RAB3GAP2: variants seen among roughly 807,000 people sequenced by gnomAD.
RAB3GAP2 encodes the protein RAB3 GTPase activating non-catalytic protein subunit 2.
RAB3GAP2 carries 87 observed loss-of-function variants against 185.3 expected under a neutral mutation model. The ratio of observed to expected loss-of-function variants is 0.47; its 90% CI spans 0.39 to 0.56. RAB3GAP2 has a LOEUF of 0.56. RAB3GAP2 is among the 20% of genes least tolerant of loss of function. The pLI, the probability that RAB3GAP2 is intolerant of heterozygous loss-of-function variation, is 0.00. For missense variants in RAB3GAP2, 1,492 were observed against 1,638.2 expected (o/e 0.91, Z 1.54); for synonymous variants, 554 against 576.1 (o/e 0.96, Z 0.55).
chr1:220,157,914 A>T (rs747451766), intron 29 of RAB3GAP2, 38 bp from the exon 30 acceptor site: 28 of 1,496,782 alleles, frequency 1.9e-5, no homozygotes, highest in Non-Finnish European at 2.4e-5. Flanking sequence ...GCCCTGCAGG[A>T]AAACTGCTAT....
At chr1:220,165,568 G>A (rs966287834) in intron 26 of RAB3GAP2, among the ~76,000 whole-genome samples, 2 of 151,928 alleles carry the variant, frequency 1.3e-5, no homozygotes, top group Non-Finnish European at 2.9e-5. Flanking sequence ...TAATTTTATT[G>A]TTTTGAGCCT....
At chr1:220,176,768 C>T (rs976138911) in intron 21 of RAB3GAP2, among the ~76,000 whole-genome samples, 4 of 152,142 alleles carry the variant, frequency 2.6e-5, no homozygotes, top group African/African-American at 9.7e-5. Flanking sequence ...CTCAGGGCCC[C>T]CTCACTGCAG....
rs1658584930 is a variant in RAB3GAP2 at position 220,190,054 on chromosome 1, G to T, written c.1714+10C>A. The T allele has an allele frequency of 6.3e-7, 1 of 1,579,458 alleles. No homozygotes were observed. Among genetic ancestry groups the T allele is most frequent in the South Asian group, 1.1e-5 (1 of 90,310 alleles). The stretch of plus-strand genomic sequence containing the variant: ...AATATGCTTTATTATTTGTATGAGA[G>T]AATACCTACCAAGATTGGGAGATTT... On this transcript the variant is annotated intron_variant, in intron 16 of 34. Coordinates refer to ENST00000358951, the MANE Select transcript of RAB3GAP2 (RefSeq NM_012414.4).
rs532638624 is a variant in RAB3GAP2 at position 220,191,237 on chromosome 1, G to A, written c.1318C>T (p.His440Tyr). 6.2e-7 allele frequency: 1 copy of A among 1,613,692 alleles called. No homozygotes were observed. Among genetic ancestry groups the A allele is most frequent in the Non-Finnish European group, 8.5e-7 (1 of 1,179,910 alleles). Reference sequence around the variant, plus strand: ...TCTGCCTTTTCTGGCACTCTTTCATGGAGGTCCTCTACAGTTTGAATCCAT... The same window carrying A: ...TCTGCCTTTTCTGGCACTCTTTCATAGAGGTCCTCTACAGTTTGAATCCAT... ...IGWIQTVEDL[H>Y]ERVPEKADFS... Residue 440 changes from histidine (H) to tyrosine (Y), a missense_variant, in exon 14 of 35, where the codon CAT becomes TAT. His to Tyr is a moderately conservative substitution (Grantham distance 83, BLOSUM62 2). Coordinates refer to ENST00000358951, the MANE Select transcript of RAB3GAP2 (RefSeq NM_012414.4).
chr1:220,202,450 A>G, intron 8 of RAB3GAP2, 76 bp from the exon 9 acceptor site: 3 of 1,443,910 alleles, frequency 2.1e-6, no homozygotes, highest in Non-Finnish European at 2.9e-6. Flanking sequence ...TTAAAACCAT[A>G]CTAATTTGTT....
chr1:220,222,928 A>C (rs1456663925), intron 2 of RAB3GAP2, among the ~76,000 whole-genome samples: 1 of 152,190 alleles, frequency 6.6e-6, no homozygotes, highest in Non-Finnish European at 1.5e-5. Flanking sequence ...TATAATAAAC[A>C]TGTGTCAAAT....
At chr1:220,245,884 GGAGGCACCCCCCAGC>G (rs1412624100) in intron 1 of RAB3GAP2, among the ~76,000 whole-genome samples, 1 of 152,174 alleles carries the variant, frequency 6.6e-6, no homozygotes, top group Non-Finnish European at 1.5e-5. Flanking sequence ...AGCCTAACTG[GGAGGCACCCCCCAGC>G]GGGGGCAGAC....
intron 1 of RAB3GAP2, among the ~76,000 whole-genome samples, chr1:220,271,708 G>A (rs1270795466): frequency 6.6e-6 from 1 of 152,000 alleles, no homozygotes; most frequent in Non-Finnish European, 1.5e-5. Flanking sequence ...GAGAGTGTGG[G>A]GGGATGATCA....
At chr1:220,214,105 T>C in intron 2 of RAB3GAP2, 126 bp from the exon 3 acceptor site, 1 of 909,196 alleles carries the variant, frequency 1.1e-6, no homozygotes. Context: ...TCTCATACAG[T>C]TTCATAATAT....
At chr1:220,168,867 A>T (rs1386060316) in intron 24 of RAB3GAP2, among the ~76,000 whole-genome samples, 1 of 152,242 alleles carries the variant, frequency 6.6e-6, no homozygotes, top group East Asian at 1.9e-4. Context: ...TTATTATCGA[A>T]AACAAATTAT....
In RAB3GAP2 at chr1:220,214,946, T is replaced by TATA. The variant is rs1659158999; in HGVS notation, c.181-968_181-967insTAT. ...CCTTTTTCTTACAAGAATAGTAGCATTATATATATATATATATATATATAT... is the reference window on the plus strand; with the variant it reads ...CCTTTTTCTTACAAGAATAGTAGCATATATATATATATATATATATATATATAT... On this transcript the variant is annotated intron_variant, in intron 2 of 34. Transcript: ENST00000358951. Among the ~76,000 whole-genome samples, 376 of 89,622 alleles carry TATA rather than the reference T, an allele frequency of 4.2e-3. 1 individual carries two copies. Among genetic ancestry groups the TATA allele is most frequent in the South Asian group, 0.022 (46 of 2,058 alleles). The allele number at this position is 89,622 out of a possible 152,430, so 58.8% of individuals were successfully genotyped here.
At chr1:220,220,265 C>T (rs76464423) in intron 2 of RAB3GAP2, 10,800 of 152,348 alleles carry the variant, frequency 0.071, 496 homozygotes, top group South Asian at 0.12. Flanking sequence ...CTCTGAGAGC[C>T]AGCCCGTCCC....
chr1:220,193,405 C>T (rs1658662714), intron 12 of RAB3GAP2, 26 bp from the exon 13 acceptor site: 1 of 1,608,052 alleles, frequency 6.2e-7, no homozygotes, highest in Non-Finnish European at 8.5e-7. Flanking sequence ...AAATAAAATG[C>T]TCAAATCACA....
At chr1:220,267,892 T>C in intron 1 of RAB3GAP2, 1 of 798,402 alleles carries the variant, frequency 1.3e-6, no homozygotes, top group Non-Finnish European at 2.2e-6. Context: ...GGCCCTGAAA[T>C]GCAGTTTTCT....
In RAB3GAP2 at chr1:220,149,201, T is replaced by C. The variant is rs1444161112; in HGVS notation, c.*2050A>G. 1 of 152,230 alleles carries C rather than the reference T, an allele frequency of 6.6e-6. No individual in the cohort carries two copies. The highest frequency in any genetic ancestry group is 2.4e-5 in the African/African-American group (1 of 41,470). The allele number at this position is 152,230 out of a possible 1,614,324, so 9.4% of individuals were successfully genotyped here. ...AAGTAGTAAAATATTTAACTGCTTT[T>C]CTTAACCATACAAGTCAGAATTAGA... On this transcript the variant is annotated 3_prime_UTR_variant, in exon 35 of 35. Coordinates refer to ENST00000358951, the MANE Select transcript of RAB3GAP2 (RefSeq NM_012414.4).
chr1:220,163,744 C>CATACATATATATATATATATATATAT (rs775527991), intron 27 of RAB3GAP2, among the ~76,000 whole-genome samples: 2 of 122,988 alleles, frequency 1.6e-5, no homozygotes, highest in African/African-American at 6.3e-5. Flanking sequence ...TAAATACATA[C>CATACATATATATATATATATATATAT]ATATATATAT....
intron 26 of RAB3GAP2, among the ~76,000 whole-genome samples, 194 bp downstream of exon 26, chr1:220,167,099 T>G (rs1457598873): frequency 6.6e-6 from 1 of 152,170 alleles, no homozygotes; most frequent in East Asian, 1.9e-4. Context: ...ACTGACAGTA[T>G]CTATACTTCA....
chr1:220,180,611 G>C (rs1658384687), intron 21 of RAB3GAP2, among the ~76,000 whole-genome samples: 1 of 152,102 alleles, frequency 6.6e-6, no homozygotes, highest in Non-Finnish European at 1.5e-5. Flanking sequence ...TCACAGAAAA[G>C]CCCAGATCTG....
At chr1:220,194,256 A>G (rs1227560909) in intron 12 of RAB3GAP2, among the ~76,000 whole-genome samples, 2 of 151,960 alleles carry the variant, frequency 1.3e-5, no homozygotes, top group Non-Finnish European at 2.9e-5. Flanking sequence ...TGAAAAAAAA[A>G]AGCAACAAAA....
Sources: gnomAD v4.1 joint callset for allele counts (sites outside exome capture counted in the v4.1 genomes callset) on GRCh38, gnomAD v4.1.1 for gene constraint, MANE v1.5 for transcripts, NCBI Gene and HGNC (gene_info 2026-07-23, HGNC 2026-07-21) for gene names.